Variants in NXPH2 observed in about 807,000 individuals in gnomAD.
NXPH2 encodes neurexophilin 2.
A neutral mutation model predicts 19.8 loss-of-function variants in NXPH2; 5 were observed. That is an observed-to-expected ratio of 0.25 (90% confidence interval 0.13 to 0.53). NXPH2 has a LOEUF of 0.53. Among genes scored for constraint, NXPH2 ranks in the 20% least tolerant of loss-of-function variants. The pLI, the probability that NXPH2 is intolerant of heterozygous loss-of-function variation, is 0.96. For synonymous variants in NXPH2, 154 were observed against 127.4 expected (o/e 1.21, Z -1.41); for missense variants, 289 against 322.8 (o/e 0.90, Z 0.80).
intron 1 of NXPH2, among the ~76,000 whole-genome samples, chr2:138,761,466 G>T (rs1682016430): frequency 6.6e-6 from 1 of 152,090 alleles, no homozygotes; most frequent in African/African-American, 2.4e-5. Context: ...TTTCTTTATG[G>T]GTTTGAAATT....
intron 1 of NXPH2, among the ~76,000 whole-genome samples, chr2:138,699,474 G>A: frequency 6.6e-6 from 1 of 152,132 alleles, no homozygotes; most frequent in East Asian, 1.9e-4. Context: ...AGAGTAGGGG[G>A]AGAAGGCAAG....
chr2:138,759,098 TA>T (rs1681961600), intron 1 of NXPH2, among the ~76,000 whole-genome samples: 1 of 152,158 alleles, frequency 6.6e-6, no homozygotes, highest in Non-Finnish European at 1.5e-5. Flanking sequence ...TTCCAGACAT[TA>T]AAAGAAATTT....
intron 1 of NXPH2, among the ~76,000 whole-genome samples, chr2:138,707,652 C>G (rs989299789): frequency 6.6e-6 from 1 of 152,122 alleles, no homozygotes. Flanking sequence ...ATTTGGAAAG[C>G]TTTTGCCATA....
chr2:138,724,428 A>G (rs574582212), intron 1 of NXPH2, among the ~76,000 whole-genome samples: 9 of 152,286 alleles, frequency 5.9e-5, no homozygotes, highest in South Asian at 4.1e-4. Context: ...TCACCAAACC[A>G]CTGCTGTCAA....
At chr2:138,699,091 G>A (rs1431898135) in intron 1 of NXPH2, among the ~76,000 whole-genome samples, 1 of 152,118 alleles carries the variant, frequency 6.6e-6, no homozygotes, top group Non-Finnish European at 1.5e-5. Flanking sequence ...GTGAATGTAT[G>A]TATGTACATA....
At chr2:138,731,480 T>A (rs1313439807) in intron 1 of NXPH2, among the ~76,000 whole-genome samples, 1 of 152,150 alleles carries the variant, frequency 6.6e-6, no homozygotes, top group Non-Finnish European at 1.5e-5. Context: ...GATAATCCTC[T>A]GTTTGTCATC....
intron 1 of NXPH2, among the ~76,000 whole-genome samples, chr2:138,752,702 G>A (rs11681160): frequency 0.28 from 42,424 of 151,930 alleles, 6,657 homozygotes; most frequent in Non-Finnish European, 0.35. Context: ...ATCCAGGTAC[G>A]CATTCCATTT....
At chr2:138,728,138 A>G (rs955672731) in intron 1 of NXPH2, among the ~76,000 whole-genome samples, 1 of 139,024 alleles carries the variant, frequency 7.2e-6, no homozygotes, top group Non-Finnish European at 1.6e-5. Context: ...TCTTAAGAGA[A>G]GAAGACACCA....
At chr2:138,691,335 A>G (rs1188244722) in intron 1 of NXPH2, among the ~76,000 whole-genome samples, 6 of 152,144 alleles carry the variant, frequency 3.9e-5, no homozygotes, top group African/African-American at 7.2e-5. Flanking sequence ...TTCTAGTATC[A>G]CTATAGGGAG....
chr2:138,690,544 C>T (rs1395596397), intron 1 of NXPH2, among the ~76,000 whole-genome samples: 2 of 151,760 alleles, frequency 1.3e-5, no homozygotes, highest in African/African-American at 4.9e-5. Context: ...CTGCTATATA[C>T]TCACTGTCTT....
At chr2:138,742,166 C>T (rs1175159396) in intron 1 of NXPH2, among the ~76,000 whole-genome samples, 2 of 152,102 alleles carry the variant, frequency 1.3e-5, no homozygotes, top group African/African-American at 4.8e-5. Flanking sequence ...TATTGATCTT[C>T]CAAAGCTCCA....
rs1680412611 is a variant in NXPH2, at chr2:138,671,454, G to A, written c.263C>T (p.Thr88Met). 2.5e-6 allele frequency: 4 copies of A among 1,613,728 alleles called. No individual in the cohort carries two copies. Among genetic ancestry groups the A allele is most frequent in the Non-Finnish European group, 2.5e-6 (3 of 1,179,788 alleles). Residue 88 changes from threonine (T) to methionine (M), a missense_variant, in exon 2 of 2, where the codon ACG (threonine) becomes ATG (methionine). Coordinates refer to ENST00000272641, the MANE Select transcript of NXPH2 (RefSeq NM_007226.3). ...ENFWDWLANI[T>M]EIQEPLARTK... ...TCTTGCCAATGGCTCCTGAATCTCC[G>A]TGATGTTGGCCAGCCAATCCCAAAA...
intron 1 of NXPH2, among the ~76,000 whole-genome samples, chr2:138,775,560 T>C (rs903075535): frequency 4.6e-5 from 7 of 152,102 alleles, no homozygotes; most frequent in Non-Finnish European, 1.0e-4. Flanking sequence ...TATGACGAAA[T>C]AGTGTTAGAA....
At chr2:138,694,108 A>AT (rs1248017740) in intron 1 of NXPH2, among the ~76,000 whole-genome samples, 1 of 152,162 alleles carries the variant, frequency 6.6e-6, no homozygotes, top group Non-Finnish European at 1.5e-5. Flanking sequence ...AAAAAAGACG[A>AT]TTTTAAAAAA....
chr2:138,681,704 G>C (rs533568667), intron 1 of NXPH2, among the ~76,000 whole-genome samples: 205 of 152,292 alleles, frequency 1.3e-3, no homozygotes, highest in African/African-American at 4.7e-3. Flanking sequence ...TTCTACTAGA[G>C]AAAATTTCAT....
intron 1 of NXPH2, among the ~76,000 whole-genome samples, chr2:138,677,249 TAATA>T (rs1453829454): frequency 1.3e-5 from 2 of 152,208 alleles, no homozygotes; most frequent in Non-Finnish European, 2.9e-5. Flanking sequence ...CATATTATAA[TAATA>T]ATGCAAAAAC....
chr2:138,698,950 G>T (rs1392728531), intron 1 of NXPH2, among the ~76,000 whole-genome samples: 1 of 152,128 alleles, frequency 6.6e-6, no homozygotes, highest in African/African-American at 2.4e-5. Flanking sequence ...GTACTTTGAT[G>T]CCCGGAGAGT....
rs752874676 is a variant in NXPH2 at position 138,671,573 on chromosome 2, C to A, written c.144G>T (p.Val48=). 6.2e-7 allele frequency: 1 copy of A among 1,613,706 alleles called. No individual in the cohort carries two copies. Among genetic ancestry groups the A allele is most frequent in the Admixed American group, 1.7e-5 (1 of 59,978 alleles). ...DAPGTLVGNV[V]HSRIISPLRL... is the part of the protein sequence containing the mutation. Reference sequence around the variant, plus strand: ...GCAGGGGACTGATGATCCTTGAGTGCACCACGTTGCCGACCAACGTCCCTG... The same window carrying A: ...GCAGGGGACTGATGATCCTTGAGTGAACCACGTTGCCGACCAACGTCCCTG... The change falls in exon 2 of 2, where the codon GTG becomes GTT. Residue 48 remains valine, a synonymous_variant. Coordinates refer to ENST00000272641, the MANE Select transcript of NXPH2 (RefSeq NM_007226.3).
chr2:138,717,555 C>G (rs1227070423), intron 1 of NXPH2, among the ~76,000 whole-genome samples: 2 of 151,834 alleles, frequency 1.3e-5, no homozygotes, highest in Non-Finnish European at 2.9e-5. Context: ...GGTCACTAAA[C>G]CCTTTTGTGA....
Sources: gnomAD v4.1 joint callset for allele counts (sites outside exome capture counted in the v4.1 genomes callset) on GRCh38, gnomAD v4.1.1 for gene constraint, MANE v1.5 for transcripts, NCBI Gene and HGNC (gene_info 2026-07-23, HGNC 2026-07-21) for gene names.